The following ZNF385D variants were observed in gnomAD, a reference collection of about 807,000 sequenced individuals.
ZNF385D encodes the protein zinc finger protein 385D, also known as zinc finger protein 659.
Under a neutral mutation model 35.8 loss-of-function variants are expected in ZNF385D, and 15 were observed. The observed-to-expected ratio is 0.42, with a 90% CI of 0.28 to 0.64. The LOEUF is 0.64. Among genes scored for constraint, ZNF385D ranks in the 30% least tolerant of loss-of-function variants. ZNF385D has a pLI of 0.23. For missense variants in ZNF385D, 474 were observed against 494.6 expected (o/e 0.96, Z 0.39); for synonymous variants, 212 against 186.8 (o/e 1.13, Z -1.10).
intron 1 of ZNF385D, among the ~76,000 whole-genome samples, chr3:21,670,239 T>C (rs1279035457): frequency 1.3e-5 from 2 of 151,906 alleles, no homozygotes. Context: ...CTTATCTGTA[T>C]TGAAATATAT....
chr3:21,817,731 T>G (rs138733108), intron 3 of ZNF385D, among the ~76,000 whole-genome samples: 1 of 152,016 alleles, frequency 6.6e-6, no homozygotes, highest in Non-Finnish European at 1.5e-5. Context: ...TTGGTGGGAC[T>G]GTAAACTAGT....
chr3:21,799,188 T>C (rs1447153006), intron 3 of ZNF385D, among the ~76,000 whole-genome samples: 1 of 152,204 alleles, frequency 6.6e-6, no homozygotes, highest in Non-Finnish European at 1.5e-5. Context: ...CACCATTTAT[T>C]TACCTATTAA....
At chr3:22,293,963 T>C (rs1303275439) in intron 2 of ZNF385D, among the ~76,000 whole-genome samples, 2 of 152,100 alleles carry the variant, frequency 1.3e-5, no homozygotes, top group African/African-American at 4.8e-5. Flanking sequence ...ATGTTAAGTT[T>C]GGGATCAATG....
intron 2 of ZNF385D, among the ~76,000 whole-genome samples, chr3:21,647,442 TTTGC>T (rs1380145587): frequency 1.3e-5 from 2 of 150,818 alleles, no homozygotes; most frequent in Non-Finnish European, 3.0e-5. Context: ...TCCCTTTTTC[TTTGC>T]TTGCTTCTTT....
intron 2 of ZNF385D, among the ~76,000 whole-genome samples, chr3:22,306,030 C>A (rs1268005654): frequency 6.6e-6 from 1 of 152,122 alleles, no homozygotes. Flanking sequence ...GCAAATGCTG[C>A]CTACCAAAAT....
At chr3:21,481,440 C>A (rs1257130516) in intron 4 of ZNF385D, among the ~76,000 whole-genome samples, 8 of 152,150 alleles carry the variant, frequency 5.3e-5, no homozygotes, top group African/African-American at 1.9e-4. Context: ...TGCCCCAGGC[C>A]AGTTTATTCT....
chr3:21,681,629 T>C (rs1313567047), intron 1 of ZNF385D, among the ~76,000 whole-genome samples: 1 of 148,706 alleles, frequency 6.7e-6, no homozygotes, highest in Non-Finnish European at 1.5e-5. Flanking sequence ...GAGCTGCATA[T>C]ATTTGGAACA....
At chr3:22,047,648 TG>T (rs1428636633) in intron 3 of ZNF385D, among the ~76,000 whole-genome samples, 1 of 152,150 alleles carries the variant, frequency 6.6e-6, no homozygotes, top group African/African-American at 2.4e-5. Flanking sequence ...CATTCATCAT[TG>T]GTGGATATGT....
chr3:22,032,221 T>G (rs1196669453), intron 3 of ZNF385D, among the ~76,000 whole-genome samples: 1 of 152,210 alleles, frequency 6.6e-6, no homozygotes, highest in Non-Finnish European at 1.5e-5. Context: ...TGTTTCAACC[T>G]CTGCCAGTTA....
chr3:21,862,122 C>T lies in ZNF385D; in HGVS notation c.326-197094G>A, dbSNP rs148130936. Among the ~76,000 whole-genome samples, 173 of 152,036 alleles carry T rather than the reference C, an allele frequency of 1.1e-3. 3 individuals carry two copies. The East Asian group carries it at 0.028, about 25-fold the overall frequency. On this transcript the variant is annotated intron_variant, in intron 3 of 5. Coordinates refer to the ZNF385D transcript ENST00000494108. ...TAGAGTAGGTAGTAGGACAAACAGC[C>T]GAGTACCTTGCTTATATGATCACTT... is the stretch of plus-strand genomic sequence containing the variant.
At chr3:21,987,902 A>T (rs374139119) in intron 3 of ZNF385D, among the ~76,000 whole-genome samples, 1 of 143,486 alleles carries the variant, frequency 7.0e-6, no homozygotes, top group South Asian at 2.5e-4. Context: ...TTCCCTTCTC[A>T]CTTCATTTCA....
chr3:21,765,602 G>A (rs2070792906), intron 3 of ZNF385D, among the ~76,000 whole-genome samples: 1 of 151,750 alleles, frequency 6.6e-6, no homozygotes, highest in Admixed American at 6.6e-5. Flanking sequence ...TAGAGACTCA[G>A]GTAATACAGA....
At chr3:21,793,505 C>G (rs1220365185) in intron 3 of ZNF385D, among the ~76,000 whole-genome samples, 1 of 151,986 alleles carries the variant, frequency 6.6e-6, no homozygotes. Context: ...TAACAAGATC[C>G]CTCTGTGATT....
At chr3:21,651,024 A>T (rs1299559921) in intron 2 of ZNF385D, among the ~76,000 whole-genome samples, 2 of 152,006 alleles carry the variant, frequency 1.3e-5, no homozygotes, top group African/African-American at 4.8e-5. Flanking sequence ...TCACGCCTGT[A>T]ATCCCAGCAC....
intron 3 of ZNF385D, among the ~76,000 whole-genome samples, chr3:22,106,868 C>G (rs1702240948): frequency 6.6e-6 from 1 of 152,058 alleles, no homozygotes; most frequent in Non-Finnish European, 1.5e-5. Flanking sequence ...GTGATTTGGG[C>G]ACTCATTCTT....
chr3:22,364,506 C>T (rs1408000873), intron 2 of ZNF385D, among the ~76,000 whole-genome samples: 3 of 152,030 alleles, frequency 2.0e-5, no homozygotes, highest in South Asian at 2.1e-4. Flanking sequence ...AGAGACTCAA[C>T]ATCCCTAATC....
At chr3:21,592,556 CCAAAAACAAAAAAA>C (rs1479997284) in intron 2 of ZNF385D, among the ~76,000 whole-genome samples, 2 of 60,652 alleles carry the variant, frequency 3.3e-5, no homozygotes, top group African/African-American at 1.2e-4. Flanking sequence ...AAAAAAAAAA[CCAAAAACAAAAAAA>C]AAAAACAATT....
intron 2 of ZNF385D, among the ~76,000 whole-genome samples, chr3:22,282,483 G>A (rs572197108): frequency 6.6e-6 from 1 of 151,996 alleles, no homozygotes; most frequent in South Asian, 2.1e-4. Flanking sequence ...TGTTTTCATT[G>A]TTGACCCAAA....
intron 3 of ZNF385D, among the ~76,000 whole-genome samples, chr3:21,782,021 G>A (rs890313337): frequency 1.3e-5 from 2 of 152,162 alleles, no homozygotes; most frequent in East Asian, 1.9e-4. Flanking sequence ...CCACTAGGGC[G>A]AGGACTCCTC....
Sources: allele counts gnomAD v4.1 joint callset (sites outside exome capture counted in the v4.1 genomes callset), GRCh38; gene constraint gnomAD v4.1.1; transcripts MANE v1.5; gene names NCBI Gene and HGNC (gene_info 2026-07-23, HGNC 2026-07-21).